The following PNPLA6 variants were observed in gnomAD, a reference collection of about 807,000 sequenced individuals.
The protein encoded by PNPLA6 is patatin-like phospholipase domain-containing protein 6.
In PNPLA6, 105 loss-of-function variants were observed where a neutral mutation model predicts 153.7. The observed-to-expected ratio is 0.68, with a 90% confidence interval of 0.58 to 0.80. The LOEUF is 0.80. Among genes scored for constraint, PNPLA6 ranks in the 30% least tolerant of loss-of-function variants. The probability of loss-of-function intolerance (pLI) is 0.00; values close to 1 mark genes in which losing one functional copy is unlikely to be tolerated. For synonymous variants in PNPLA6, 825 were observed against 822.2 expected (o/e 1.00, Z -0.06); for missense variants, 1,423 against 1,919.3 (o/e 0.74, Z 4.83).
chr19:7,554,785 C>G (rs1377566537), intron 21 of PNPLA6, 62 bp downstream of exon 21: 7 of 1,596,160 alleles, frequency 4.4e-6, no homozygotes, highest in Non-Finnish European at 6.0e-6. Flanking sequence ...CCTCCCGTGC[C>G]TGCACCAGGC....
At chr19:7,535,342 A>G, upstream of PNPLA6, 1 of 650,824 alleles carries the variant, frequency 1.5e-6, no homozygotes, top group Non-Finnish European at 2.8e-6. The surrounding 1 kb of genome is among the most constrained non-coding windows in gnomAD (Gnocchi z 5.0). Context: ...GGTTTGCTCC[A>G]TCCCTTAGTC....
Position 7,555,527 on chromosome 19 carries a change from C to A in PNPLA6, c.2937-80C>A. The A allele has an allele frequency of 4.6e-6, 7 of 1,508,652 alleles. No homozygotes were observed. The highest frequency in any genetic ancestry group is 6.3e-6 in the Non-Finnish European group (7 of 1,105,052). The allele number at this position is 1,508,652 out of a possible 1,614,324, so 93.5% of individuals were successfully genotyped here. A position where few individuals can be genotyped will look rare whatever the true frequency, so the allele number is the denominator to read the frequency against. On this transcript the variant is annotated intron_variant, in intron 23 of 31. Transcript: ENST00000600737. The surrounding 1 kb of genome is among the most constrained non-coding windows in gnomAD (Gnocchi z 6.3). Reference sequence around the variant, plus strand: ...GCGGGTCCTTTGTTCCTTAGCAGTGCGGGAGGTGGGAGGAGGTAGGGGCAG... The same window carrying A: ...GCGGGTCCTTTGTTCCTTAGCAGTGAGGGAGGTGGGAGGAGGTAGGGGCAG...
intron 13 of PNPLA6, among the ~76,000 whole-genome samples, chr19:7,543,361 C>T (rs567068840): frequency 6.6e-6 from 1 of 152,294 alleles, no homozygotes; most frequent in African/African-American, 2.4e-5. Flanking sequence ...CCTGCCCTGG[C>T]TCTTCCTGTA....
chr19:7,537,952 T>G (rs932614130), intron 3 of PNPLA6, among the ~76,000 whole-genome samples: 1 of 151,578 alleles, frequency 6.6e-6, no homozygotes, highest in African/African-American at 2.4e-5. Flanking sequence ...TGGCAGGGCT[T>G]TCTGTGAGTT....
chr19:7,556,389 T>C (rs747412810), intron 24 of PNPLA6, 64 bp from the exon 25 acceptor site: 11 of 993,692 alleles, frequency 1.1e-5, no homozygotes, highest in Non-Finnish European at 1.8e-5. Context: ...CACCCCCTAT[T>C]GATGAACCTT....
At chr19:7,548,546 A>C (rs1386075356) in intron 13 of PNPLA6, among the ~76,000 whole-genome samples, 2 of 152,140 alleles carry the variant, frequency 1.3e-5, no homozygotes, top group African/African-American at 4.8e-5. Context: ...GAGATTACTT[A>C]TAATACCTAA....
intron 26 of PNPLA6, 100 bp downstream of exon 26, chr19:7,556,824 G>C (rs977642037): frequency 4.5e-6 from 4 of 896,330 alleles, no homozygotes; most frequent in Admixed American, 1.8e-5. Flanking sequence ...TTGTTAACAC[G>C]AGTGACCGTC....
In PNPLA6 at chr19:7,540,347, G is replaced by C. The variant is rs367968144; in HGVS notation, c.714+39G>C. On this transcript the variant is annotated intron_variant, in intron 5 of 31. Coordinates refer to ENST00000600737, the MANE Select transcript of PNPLA6 (RefSeq NM_001166114.2). The surrounding 1 kb of genome is among the most constrained non-coding windows in gnomAD (Gnocchi z 6.8). ...CCCAGGGGCTGCTGCAGGAGGATGG[G>C]TGGTGGGGATGGGCAGCAGGCATTG... 5.8e-5 allele frequency: 92 copies of C among 1,582,010 alleles called. No homozygotes were observed. The highest frequency in any genetic ancestry group is 7.6e-5 in the Non-Finnish European group (89 of 1,166,586).
At position 7,541,262 on chromosome 19, in the gene PNPLA6, C is replaced by G. The variant is rs938317696; in HGVS notation, c.925-92C>G. On this transcript the variant is annotated intron_variant, in intron 7 of 31. Transcript: ENST00000600737. The surrounding 1 kb of genome is among the most constrained non-coding windows in gnomAD (Gnocchi z 5.2). The stretch of plus-strand genomic sequence containing the variant: ...TGTGGGTCTCTCCCTGGTTCCCGCC[C>G]GACCCCTTATGCTGCGAACTAGCCC... 2 of 1,238,002 alleles carry G rather than the reference C, an allele frequency of 1.6e-6. No homozygotes were observed. Among genetic ancestry groups the G allele is most frequent in the South Asian group, 1.3e-5 (1 of 79,266 alleles). The allele number at this position is 1,238,002 out of a possible 1,614,324, so 76.7% of individuals were successfully genotyped here. A position where few individuals can be genotyped will look rare whatever the true frequency, so the allele number is the denominator to read the frequency against.
In PNPLA6 at chr19:7,551,564, G is replaced by A. The variant is rs1023293769; in HGVS notation, c.2260+127G>A. On this transcript the variant is annotated intron_variant, in intron 18 of 31. Transcript: ENST00000600737. ...TTCCGCGAAGAAATCGTGCCCCTGA[G>A]GGTTTCAAACCCTAAGTAGGACCCA... 19 of 839,684 alleles carry A rather than the reference G, an allele frequency of 2.3e-5. No homozygotes were observed. In the Admixed American group the frequency reaches 2.8e-4, roughly 12 times the overall value. 52.0% of individuals were successfully genotyped at this position (839,684 alleles called of 1,614,324 possible). A position where few individuals can be genotyped will look rare whatever the true frequency, so the allele number is the denominator to read the frequency against.
chr19:7,554,766 G>A (rs1384957781), intron 21 of PNPLA6, 43 bp downstream of exon 21: 23 of 1,602,608 alleles, frequency 1.4e-5, no homozygotes, highest in Non-Finnish European at 1.9e-5. Context: ...CTCGGGTCCC[G>A]TCCTTTGCCC....
chr19:7,547,059 C>T (rs894057126), intron 13 of PNPLA6, among the ~76,000 whole-genome samples: 3 of 152,080 alleles, frequency 2.0e-5, no homozygotes, highest in Non-Finnish European at 4.4e-5. Context: ...CACACGCTGC[C>T]ACGCCCAGCT....
intron 27 of PNPLA6, among the ~76,000 whole-genome samples, chr19:7,558,619 G>A (rs970930160): frequency 3.3e-5 from 5 of 152,154 alleles, no homozygotes; most frequent in African/African-American, 1.2e-4. Flanking sequence ...GCGACAGAGT[G>A]AGACTCTGTC....
rs765739232 is a variant in PNPLA6, at chr19:7,540,176, C to T, written c.582C>T (p.Leu194=). The T allele has an allele frequency of 4.3e-6, 7 of 1,611,088 alleles. No individual in the cohort carries two copies. The highest frequency in any genetic ancestry group is 3.3e-5 in the South Asian group (3 of 91,092). ...VRVLGHFEKP[L]FLELCRHMVF... is the part of the protein sequence containing the mutation. ...TGCTGGGCCACTTCGAGAAGCCACT[C>T]TTCCTGGAGCTCTGCCGCCACATGG... The change falls in exon 5 of 32, where the codon CTC becomes CTT. Residue 194 remains leucine (L), a synonymous_variant. Coordinates refer to ENST00000600737, the MANE Select transcript of PNPLA6 (RefSeq NM_001166114.2). This position sits in a 1 kb window ranked among gnomAD's most constrained non-coding sequence, Gnocchi z 6.8.
At chr19:7,551,791 G>C (rs1344971791) in intron 18 of PNPLA6, among the ~76,000 whole-genome samples, 1 of 152,110 alleles carries the variant, frequency 6.6e-6, no homozygotes, top group Non-Finnish European at 1.5e-5. Context: ...TGAGAGAAAG[G>C]GAGTCCTAGA....
At position 7,536,292 on chromosome 19, in the gene PNPLA6, G is replaced by A. The variant is rs746162865; in HGVS notation, c.315+19G>A. 4 of 1,594,468 alleles carry A rather than the reference G, an allele frequency of 2.5e-6. No homozygotes were observed. The African/African-American group carries it at 5.4e-5, about 21-fold the overall frequency. The stretch of plus-strand genomic sequence containing the variant: ...GCGGAAGGTGAGTCCGGGACCCCTG[G>A]GGTCCGCCCTGACCACACAGAGGCC... On this transcript the variant is annotated intron_variant, in intron 2 of 31. Coordinates refer to ENST00000600737, the MANE Select transcript of PNPLA6 (RefSeq NM_001166114.2).
intron 20 of PNPLA6, 63 bp from the exon 21 acceptor site, chr19:7,554,492 G>A: frequency 1.9e-6 from 3 of 1,575,972 alleles, no homozygotes; most frequent in South Asian, 1.1e-5. Context: ...GAGCTATGTG[G>A]TCTCGGGGAG....
chr19:7,535,122 T>C (rs746130), upstream of PNPLA6: 10,895 of 339,980 alleles, frequency 0.032, 531 homozygotes, highest in Admixed American at 0.14. The surrounding 1 kb of genome is among the most constrained non-coding windows in gnomAD (Gnocchi z 5.0). Context: ...TGATCAACCC[T>C]GCAGAGGGCA....
rs760038069 is a variant in PNPLA6 at position 7,560,694 on chromosome 19, G to A, written c.3746G>A (p.Arg1249His). 12 of 1,613,992 alleles carry A rather than the reference G, an allele frequency of 7.4e-6. No individual in the cohort carries two copies. Among genetic ancestry groups the A allele is most frequent in the East Asian group, 6.7e-5 (3 of 44,872 alleles). The part of the protein sequence containing the change: ...YGKAVFGGWS[R>H]GNVIEKMLTD... ...AAGGCGGTGTTTGGAGGCTGGAGCC[G>A]TGGCAACGTCATTGAGAAAATGCTC... Residue 1249 changes from arginine (R) to histidine (H), a missense_variant, in exon 29 of 32, where the codon CGT becomes CAT. Arg to His is a conservative substitution (Grantham distance 29). This residue lies in a region of PNPLA6 where 643 missense variants were observed against 835.2 expected (regional missense o/e 0.77). Transcript: ENST00000600737.
Sources: allele counts gnomAD v4.1 joint callset (sites outside exome capture counted in the v4.1 genomes callset), GRCh38; gene constraint gnomAD v4.1.1; regional missense constraint gnomAD v4.1.1; non-coding constraint Gnocchi (gnomAD v3.1); transcripts MANE v1.5; gene names NCBI Gene and HGNC (gene_info 2026-07-23, HGNC 2026-07-21).